TTLL9: variants seen among roughly 807,000 people sequenced by gnomAD.
TTLL9 encodes the protein probable tubulin polyglutamylase TTLL9.
A neutral mutation model predicts 65.6 loss-of-function variants in TTLL9; 47 were observed. That is an observed-to-expected ratio of 0.72 (90% CI 0.57 to 0.91). The LOEUF is 0.91. Among genes scored for constraint, TTLL9 ranks in the 40% least tolerant of loss-of-function variants. TTLL9 has a pLI of 0.00. For missense variants in TTLL9, 537 were observed against 568.8 expected (o/e 0.94, Z 0.57); for synonymous variants, 179 against 204.8 (o/e 0.87, Z 1.07).
intron 3 of TTLL9, among the ~76,000 whole-genome samples, chr20:31,894,994 T>C (rs2063362112): frequency 6.6e-6 from 1 of 152,202 alleles, no homozygotes; most frequent in African/African-American, 2.4e-5. Context: ...TCTCACTATG[T>C]TGCCCAGTCT....
At chr20:31,928,525 A>T (rs2123597119) in intron 10 of TTLL9, among the ~76,000 whole-genome samples, 1 of 150,926 alleles carries the variant, frequency 6.6e-6, no homozygotes, top group East Asian at 1.9e-4. Flanking sequence ...TTTATACATA[A>T]TTATTCAAAT....
chr20:31,873,880 GA>G (rs1414218611), intron 2 of TTLL9, among the ~76,000 whole-genome samples: 1 of 145,550 alleles, frequency 6.9e-6, no homozygotes, highest in South Asian at 2.2e-4. Flanking sequence ...AAGAAAGAAA[GA>G]AAGAGAAAGA....
intron 7 of TTLL9, 114 bp downstream of exon 7, chr20:31,920,046 C>A: frequency 1.1e-6 from 1 of 943,294 alleles, no homozygotes; most frequent in Non-Finnish European, 1.5e-6. Context: ...ACTCTGCCCA[C>A]AGGTCTGCCC....
At chr20:31,914,594 G>A (rs2063705853) in intron 6 of TTLL9, among the ~76,000 whole-genome samples, 1 of 152,204 alleles carries the variant, frequency 6.6e-6, no homozygotes, top group South Asian at 2.1e-4. Context: ...CAGTTTGGCT[G>A]GTGAGAAAAA....
At chr20:31,911,635 G>A (rs989087100) in intron 6 of TTLL9, among the ~76,000 whole-genome samples, 5 of 152,208 alleles carry the variant, frequency 3.3e-5, no homozygotes, top group African/African-American at 4.8e-5. Context: ...TGATGAGCAC[G>A]GAGTGCTGTG....
intron 2 of TTLL9, among the ~76,000 whole-genome samples, chr20:31,873,727 A>G (rs1294274984): frequency 1.4e-5 from 2 of 144,630 alleles, no homozygotes; most frequent in Non-Finnish European, 3.1e-5. Context: ...AGAAAGAAAG[A>G]AAGAAAGAAA....
At chr20:31,894,098 CT>C (rs1162101774) in intron 3 of TTLL9, among the ~76,000 whole-genome samples, 9,048 of 92,010 alleles carry the variant, frequency 0.098, 104 homozygotes, top group African/African-American at 0.15. Context: ...CCATTTGGTT[CT>C]TTTTTTTTTT....
chr20:31,929,052 T>C (rs548873913), intron 10 of TTLL9, among the ~76,000 whole-genome samples: 47 of 152,330 alleles, frequency 3.1e-4, no homozygotes, highest in African/African-American at 1.1e-3. Context: ...ACTTGTTTTT[T>C]GTAGCAATGA....
At chr20:31,887,592 G>A (rs912229646) in intron 3 of TTLL9, among the ~76,000 whole-genome samples, 1 of 152,138 alleles carries the variant, frequency 6.6e-6, no homozygotes. Flanking sequence ...TCTAACTTTG[G>A]TCTCTCCTGC....
chr20:31,910,450 AAGG>A (rs1410447940), intron 6 of TTLL9, among the ~76,000 whole-genome samples: 1 of 152,164 alleles, frequency 6.6e-6, no homozygotes, highest in African/African-American at 2.4e-5. Context: ...TGCTGTTATT[AAGG>A]AGAATGGTGT....
At chr20:31,930,190 A>G (rs1207482838) in intron 10 of TTLL9, among the ~76,000 whole-genome samples, 1 of 151,776 alleles carries the variant, frequency 6.6e-6, no homozygotes, top group Non-Finnish European at 1.5e-5. Context: ...TTTCATCCCA[A>G]CTCCCCAGTC....
At chr20:31,878,453 T>C (rs897525800) in intron 2 of TTLL9, among the ~76,000 whole-genome samples, 1 of 152,226 alleles carries the variant, frequency 6.6e-6, no homozygotes, top group Non-Finnish European at 1.5e-5. Flanking sequence ...CTGTTGAGTA[T>C]TCATTTGGCC....
intron 14 of TTLL9, chr20:31,939,934 T>G (rs767291005): frequency 3.3e-5 from 5 of 152,260 alleles, no homozygotes; most frequent in Non-Finnish European, 7.3e-5. Context: ...TTAAAAAAAT[T>G]ACCATATGGC....
Position 31,889,978 on chromosome 20 carries a change from CTTTCTT to C in TTLL9, c.113+2741_113+2746del, listed in dbSNP as rs1568751691. Reference sequence around the variant, plus strand: ...AGAATCAAGCCACATCTCTCTCTTTCTTTCTTTCTTTCTTTCTTTCTTTCTTTCTTT... The same window carrying C: ...AGAATCAAGCCACATCTCTCTCTTTCTCTTTCTTTCTTTCTTTCTTTCTTT... On this transcript the variant is annotated intron_variant, in intron 3 of 14. Coordinates refer to ENST00000535842, the MANE Select transcript of TTLL9 (RefSeq NM_001008409.5). Among the ~76,000 whole-genome samples the C allele has an allele frequency of 2.3e-4, 14 of 60,820 alleles. 1 individual carries two copies. The highest frequency in any genetic ancestry group is 1.3e-3 in the African/African-American group (13 of 10,376). The allele number at this position is 60,820 out of a possible 152,430, so 39.9% of individuals were successfully genotyped here.
intron 9 of TTLL9, among the ~76,000 whole-genome samples, chr20:31,925,318 C>A (rs373334441): frequency 6.6e-6 from 1 of 152,148 alleles, no homozygotes. Flanking sequence ...TATTGAGCAC[C>A]TACTAAGTAC....
chr20:31,943,788 CT>C lies in TTLL9; in HGVS notation c.*768del, dbSNP rs1381489643. 8 of 456,686 alleles carry C rather than the reference CT, an allele frequency of 1.8e-5. No individual in the cohort carries two copies. Among genetic ancestry groups the C allele is most frequent in the South Asian group, 1.2e-4 (8 of 64,562 alleles). The allele number at this position is 456,686 out of a possible 1,614,324, so 28.3% of individuals were successfully genotyped here. On this transcript the variant is annotated 3_prime_UTR_variant, in exon 15 of 15. Transcript: ENST00000535842. ...TAGGCCTTGTGTTTGAGATTGGGAG[CT>C]GAGCCAGAAACCGGAAAACCCTGGG... is the stretch of plus-strand genomic sequence containing the variant.
chr20:31,944,768 C>T lies in TTLL9; in HGVS notation c.*1747C>T, dbSNP rs1469320824. 6.6e-6 allele frequency: 1 copy of T among 152,206 alleles called. No individual in the cohort carries two copies. Among genetic ancestry groups the T allele is most frequent in the South Asian group, 2.1e-4 (1 of 4,830 alleles). 9.4% of individuals were successfully genotyped at this position (152,206 alleles called of 1,614,324 possible). On this transcript the variant is annotated 3_prime_UTR_variant, in exon 15 of 15. Coordinates refer to ENST00000535842, the MANE Select transcript of TTLL9 (RefSeq NM_001008409.5). ...CATGACAGCCTGTGTTTCTATGTAA[C>T]TATGAGCCAGAGCCAAGGAGCGGGG...
Position 31,933,791 on chromosome 20 carries a change from C to G in TTLL9, c.749-9C>G. The stretch of plus-strand genomic sequence containing the variant: ...TTCACGCTGACCCTTGACCACCACC[C>G]TCTCCCAGATGTTCACCTCACCAAC... On this transcript the variant is annotated splice_polypyrimidine_tract_variant and intron_variant, in intron 10 of 14. Coordinates refer to ENST00000535842, the MANE Select transcript of TTLL9 (RefSeq NM_001008409.5). 1 of 1,613,750 alleles carries G rather than the reference C, an allele frequency of 6.2e-7. No individual in the cohort carries two copies. The highest frequency in any genetic ancestry group is 2.2e-5 in the East Asian group (1 of 44,886).
Position 31,909,859 on chromosome 20 carries a change from C to T in TTLL9, c.441C>T (p.Cys147=), listed in dbSNP as rs761255147. The change falls in exon 6 of 15, where the codon TGC becomes TGT. Residue 147 remains cysteine, a synonymous_variant. Coordinates refer to ENST00000535842, the MANE Select transcript of TTLL9 (RefSeq NM_001008409.5). ...TCCCCAAAACCTTTGAGATGCCTTG[C>T]GAGTACCACCTGTTTGTAGAGGAGT... ...DFFPKTFEMP[C]EYHLFVEEFR... The T allele has an allele frequency of 7.4e-6, 12 of 1,613,856 alleles. No homozygotes were observed. The highest frequency in any genetic ancestry group is 1.0e-5 in the Non-Finnish European group (12 of 1,179,974).
Sources: allele counts gnomAD v4.1 joint callset (sites outside exome capture counted in the v4.1 genomes callset), GRCh38; gene constraint gnomAD v4.1.1; transcripts MANE v1.5; gene names NCBI Gene and HGNC (gene_info 2026-07-23, HGNC 2026-07-21).